The following NPEPPS variants were observed in gnomAD, a reference collection of about 807,000 sequenced individuals.
NPEPPS encodes puromycin-sensitive aminopeptidase.
NPEPPS carries 14 observed loss-of-function variants against 115.5 expected under a neutral mutation model. That is an observed-to-expected ratio of 0.12 (90% CI 0.08 to 0.19). The LOEUF is 0.19. Ranked by LOEUF, NPEPPS falls within the 10% of genes least tolerant of loss-of-function variation. The pLI, the probability that NPEPPS is intolerant of heterozygous loss-of-function variation, is 1.00. For missense variants in NPEPPS, 523 were observed against 1,110.8 expected, an observed-to-expected ratio of 0.47 and a Z score of 7.52; for synonymous variants, 285 against 390.6, an observed-to-expected ratio of 0.73 and a Z score of 3.19.
intron 20 of NPEPPS, 101 bp downstream of exon 20, chr17:47,618,558 C>T: frequency 2.7e-6 from 2 of 738,138 alleles, no homozygotes; most frequent in Non-Finnish European, 4.5e-6. Flanking sequence ...TTAACCCTAA[C>T]TAAAGCTTCC....
intron 17 of NPEPPS, among the ~76,000 whole-genome samples, chr17:47,611,489 C>T (rs1225965228): frequency 1.3e-5 from 2 of 151,004 alleles, no homozygotes; most frequent in Non-Finnish European, 2.9e-5. Flanking sequence ...CAAGGTCTTG[C>T]TCTGTGCCCA....
At chr17:47,609,653 CACAT>C (rs771515340) in intron 17 of NPEPPS, among the ~76,000 whole-genome samples, 22 of 152,126 alleles carry the variant, frequency 1.4e-4, no homozygotes, top group Non-Finnish European at 2.4e-4. Flanking sequence ...TTTCGGCAAA[CACAT>C]ACCACATTTC....
In NPEPPS at chr17:47,545,746, G is replaced by A. The variant is rs555343467; in HGVS notation, c.256-163G>A. Among the ~76,000 whole-genome samples the A allele has an allele frequency of 9.2e-5, 14 of 152,014 alleles. No individual in the cohort carries two copies. The East Asian group carries it at 2.3e-3, about 25-fold the overall frequency. ...GTATTTTTTGTAGAGATGGGGTTTCGCCATGTTTTCCAGGCTGGTCTCACT... is the reference window on the plus strand; with the variant it reads ...GTATTTTTTGTAGAGATGGGGTTTCACCATGTTTTCCAGGCTGGTCTCACT... On this transcript the variant is annotated intron_variant, in intron 1 of 22. Coordinates refer to ENST00000322157, the MANE Select transcript of NPEPPS (RefSeq NM_006310.4).
At chr17:47,588,500 G>T (rs1203641483) in intron 9 of NPEPPS, among the ~76,000 whole-genome samples, 1 of 151,670 alleles carries the variant, frequency 6.6e-6, no homozygotes, top group Non-Finnish European at 1.5e-5. Context: ...GGAGGCAGAG[G>T]TTGCAGTGAG....
chr17:47,612,574 A>G lies in NPEPPS; in HGVS notation c.2210A>G (p.Gln737Arg), dbSNP rs1398930723. ...TTTAAGGACCACGTGGAAGGAAAAC[A>G]GATTCTCTCCGCTGATCTGAGGAGT... ...RRFKDHVEGK[Q>R]ILSADLRSPV... Residue 737 changes from glutamine (Q) to arginine (R), a missense_variant, in exon 18 of 23, where the codon CAG becomes CGG. This residue lies in a region of NPEPPS where 372 missense variants were observed against 542.6 expected (regional missense o/e 0.69). Coordinates refer to ENST00000322157, the MANE Select transcript of NPEPPS (RefSeq NM_006310.4). The G allele has an allele frequency of 6.2e-6, 10 of 1,613,794 alleles. No homozygotes were observed. In the Admixed American group the frequency reaches 1.7e-4, roughly 27 times the overall value.
At chr17:47,610,106 T>C (rs563342938) in intron 17 of NPEPPS, among the ~76,000 whole-genome samples, 7 of 152,184 alleles carry the variant, frequency 4.6e-5, no homozygotes, top group African/African-American at 9.6e-5. Context: ...GTTCACAAGA[T>C]TGTGCAACTA....
chr17:47,576,380 T>C (rs181159126), intron 3 of NPEPPS, among the ~76,000 whole-genome samples: 2 of 152,270 alleles, frequency 1.3e-5, no homozygotes, highest in African/African-American at 4.8e-5. Flanking sequence ...TAGTTCCAGC[T>C]AATCAGGAGG....
At chr17:47,548,928 C>T (rs1204177410) in intron 2 of NPEPPS, among the ~76,000 whole-genome samples, 1 of 152,110 alleles carries the variant, frequency 6.6e-6, no homozygotes, top group Non-Finnish European at 1.5e-5. Context: ...TCATAATGAT[C>T]TGTATCTCAC....
rs543559258 is a variant in NPEPPS at position 47,538,202 on chromosome 17, C to CTTTTTTTTTTTTTTTTTTTTTTTTT, written c.255+6670_255+6671insTTTTTTTTTTTTTTTTTTTTTTTTT. ...GCCACCGCGCCTAGCCATATCTGTTCTTTTTTTTTTTTTTTTTTTTTTTGA... is the reference window on the plus strand; with the variant it reads ...GCCACCGCGCCTAGCCATATCTGTTCTTTTTTTTTTTTTTTTTTTTTTTTTTTTTTTTTTTTTTTTTTTTTTTTGA... On this transcript the variant is annotated intron_variant, in intron 1 of 22. Coordinates refer to ENST00000322157, the MANE Select transcript of NPEPPS (RefSeq NM_006310.4). 1.4e-4 allele frequency among the ~76,000 whole-genome samples: 8 copies of CTTTTTTTTTTTTTTTTTTTTTTTTT among 58,496 alleles called. 1 individual carries two copies. The highest frequency in any genetic ancestry group is 7.8e-4 in the South Asian group (1 of 1,278). The allele number at this position is 58,496 out of a possible 152,430, so 38.4% of individuals were successfully genotyped here.
Position 47,596,470 on chromosome 17 carries a change from T to TA in NPEPPS, c.1536+9dup, listed in dbSNP as rs750254376. ...TATGTGGAAGCTGAACAGGTAAACA[T>TA]ATAAAGTCTTTCCATTTGTCTGATA... On this transcript the variant is annotated intron_variant, in intron 13 of 22. Coordinates refer to ENST00000322157, the MANE Select transcript of NPEPPS (RefSeq NM_006310.4). 3.3e-6 allele frequency: 5 copies of TA among 1,510,154 alleles called. No homozygotes were observed. The highest frequency in any genetic ancestry group is 4.5e-6 in the Non-Finnish European group (5 of 1,105,948). 93.5% of individuals were successfully genotyped at this position (1,510,154 alleles called of 1,614,324 possible).
chr17:47,609,518 G>A (rs973414360), intron 17 of NPEPPS, among the ~76,000 whole-genome samples: 1 of 152,192 alleles, frequency 6.6e-6, no homozygotes, highest in Non-Finnish European at 1.5e-5. Context: ...ATTACTTCTT[G>A]TAAGAATCAT....
In NPEPPS at chr17:47,601,724, G is replaced by A. The variant is rs1913210534; in HGVS notation, c.1717G>A (p.Val573Ile). The change falls in exon 15 of 23, where the codon GTC becomes ATC. Residue 573 changes from valine (V) to isoleucine (I), a missense_variant. By Grantham distance (29) the Val-to-Ile change is conservative. Transcript: ENST00000322157. Reference sequence around the variant, plus strand: ...AGAGATGAATGTGGTTTTGAAAAATGTCAAACCAGACCAATGGGTGAAGGT... The same window carrying A: ...AGAGATGAATGTGGTTTTGAAAAATATCAAACCAGACCAATGGGTGAAGGT... ...KPEMNVVLKN[V>I]KPDQWVKLNL... is the part of the protein sequence containing the mutation. 6.2e-7 allele frequency: 1 copy of A among 1,613,392 alleles called. No individual in the cohort carries two copies.
intron 19 of NPEPPS, 137 bp from the exon 20 acceptor site, chr17:47,618,213 A>G (rs1004897103): frequency 1.6e-6 from 1 of 608,674 alleles, no homozygotes; most frequent in South Asian, 2.1e-5. Flanking sequence ...TCTTTCTTTA[A>G]TATAATGCCC....
intron 2 of NPEPPS, 76 bp from the exon 3 acceptor site, chr17:47,569,341 C>G (rs1414694495): frequency 1.1e-6 from 1 of 927,412 alleles, no homozygotes; most frequent in African/African-American, 1.7e-5. Flanking sequence ...AGATTTTGCT[C>G]TTGAAAATGT....
intron 20 of NPEPPS, 61 bp from the exon 21 acceptor site, chr17:47,618,948 C>T: frequency 6.6e-7 from 1 of 1,506,536 alleles, no homozygotes; most frequent in Non-Finnish European, 9.1e-7. Flanking sequence ...GTATGGTGCA[C>T]TTTCTGGTAC....
At chr17:47,562,624 G>A (rs1450953082) in intron 2 of NPEPPS, among the ~76,000 whole-genome samples, 1 of 151,296 alleles carries the variant, frequency 6.6e-6, no homozygotes, top group Non-Finnish European at 1.5e-5. Flanking sequence ...GTGTGTGTGT[G>A]TGTGTGTGTA....
chr17:47,585,531 A>G lies in NPEPPS; in HGVS notation c.680A>G (p.Asp227Gly). The change falls in exon 6 of 23, where the codon GAT becomes GGT. Residue 227 changes from aspartate (D) to glycine (G), a missense_variant. Asp to Gly is a moderately conservative substitution (Grantham distance 94). Coordinates refer to ENST00000322157, the MANE Select transcript of NPEPPS (RefSeq NM_006310.4). Reference sequence around the variant, plus strand: ...ATTGACCGGAAACCATACCCTGATGATGAAAATTTAGTGGAAGTGAAGTTT... The same window carrying G: ...ATTGACCGGAAACCATACCCTGATGGTGAAAATTTAGTGGAAGTGAAGTTT... ...NVIDRKPYPDDENLVEVKFAR... is the reference protein window; with the variant it reads ...NVIDRKPYPDGENLVEVKFAR... 2 of 1,613,766 alleles carry G rather than the reference A, an allele frequency of 1.2e-6. No homozygotes were observed. The highest frequency in any genetic ancestry group is 1.7e-6 in the Non-Finnish European group (2 of 1,179,690).
chr17:47,615,691 A>G (rs1037055819), intron 19 of NPEPPS, among the ~76,000 whole-genome samples: 1 of 152,204 alleles, frequency 6.6e-6, no homozygotes, highest in Non-Finnish European at 1.5e-5. Flanking sequence ...ATTTTTTTCC[A>G]TCTATTCCAT....
At chr17:47,569,549 C>T in intron 3 of NPEPPS, 55 bp downstream of exon 3, 3 of 848,076 alleles carry the variant, frequency 3.5e-6, no homozygotes, top group Non-Finnish European at 3.8e-6. Flanking sequence ...CATCTGACTT[C>T]CTCCAGAGAA....
Sources: allele counts gnomAD v4.1 joint callset (sites outside exome capture counted in the v4.1 genomes callset), GRCh38; gene constraint gnomAD v4.1.1; regional missense constraint gnomAD v4.1.1; transcripts MANE v1.5; gene names NCBI Gene and HGNC (gene_info 2026-07-23, HGNC 2026-07-21).